The following CNTNAP2 variants were observed in gnomAD, a reference collection of about 807,000 sequenced individuals.
The protein encoded by CNTNAP2 is contactin associated protein 2.
CNTNAP2 carries 98 observed loss-of-function variants against 155.2 expected under a neutral mutation model. That is an observed-to-expected ratio of 0.63 (90% CI 0.54 to 0.75). The LOEUF (loss-of-function observed/expected upper bound fraction) is 0.75. CNTNAP2 is among the 30% of genes least tolerant of loss of function. The pLI is 0.00. For missense variants in CNTNAP2, 1,727 were observed against 1,688.1 expected (o/e 1.02, Z -0.40); for synonymous variants, 651 against 631.2 (o/e 1.03, Z -0.47).
At chr7:146,186,824 C>A (rs191318683) in intron 1 of CNTNAP2, among the ~76,000 whole-genome samples, 97 of 152,244 alleles carry the variant, frequency 6.4e-4, no homozygotes, top group African/African-American at 2.2e-3. Context: ...AATCCTTTCA[C>A]AGAATGTTTT....
chr7:146,928,652 C>T (rs10233849), intron 3 of CNTNAP2, among the ~76,000 whole-genome samples: 6,599 of 152,292 alleles, frequency 0.043, 160 homozygotes, highest in South Asian at 0.075. Context: ...ACTCGGGAAG[C>T]ACAAGGGGTC....
intron 17 of CNTNAP2, among the ~76,000 whole-genome samples, chr7:148,163,572 C>T (rs1489954183): frequency 1.3e-5 from 2 of 152,122 alleles, no homozygotes; most frequent in African/African-American, 2.4e-5. Context: ...ACATGTTCTG[C>T]ATGTCCTTTA....
chr7:146,709,827 G>A (rs1801032771), intron 1 of CNTNAP2, among the ~76,000 whole-genome samples: 1 of 152,154 alleles, frequency 6.6e-6, no homozygotes, highest in Admixed American at 6.6e-5. Flanking sequence ...AGGGCGGCCG[G>A]AGGGAAAAAC....
chr7:147,385,886 C>T (rs1261685366), intron 9 of CNTNAP2, among the ~76,000 whole-genome samples: 1 of 152,232 alleles, frequency 6.6e-6, no homozygotes, highest in Non-Finnish European at 1.5e-5. Context: ...CTAGCAGAGG[C>T]TCTTCATGAG....
At chr7:147,482,763 C>G (rs897717052) in intron 10 of CNTNAP2, among the ~76,000 whole-genome samples, 97 of 146,442 alleles carry the variant, frequency 6.6e-4, no homozygotes, top group African/African-American at 2.3e-3. Context: ...AATAAATAAT[C>G]GGCCGGGGGC....
intron 15 of CNTNAP2, among the ~76,000 whole-genome samples, chr7:148,038,347 C>T (rs1043895060): frequency 6.6e-6 from 1 of 152,188 alleles, no homozygotes; most frequent in South Asian, 2.1e-4. Context: ...TCCCAAGCTG[C>T]TTCCGCAGTT....
chr7:148,028,594 G>T (rs572641961), intron 15 of CNTNAP2, among the ~76,000 whole-genome samples: 15 of 152,148 alleles, frequency 9.9e-5, no homozygotes, highest in Non-Finnish European at 2.2e-4. Flanking sequence ...TACATATGTT[G>T]TATACTTCTC....
chr7:146,790,951 G>A (rs1802662722), intron 2 of CNTNAP2, among the ~76,000 whole-genome samples: 1 of 151,558 alleles, frequency 6.6e-6, no homozygotes, highest in African/African-American at 2.4e-5. Flanking sequence ...TTTAAGTTCT[G>A]GGGTACACGT....
chr7:146,517,442 A>T (rs980477791), intron 1 of CNTNAP2, among the ~76,000 whole-genome samples: 2 of 151,994 alleles, frequency 1.3e-5, no homozygotes, highest in East Asian at 3.9e-4. Context: ...GAGAAGAGTA[A>T]TCTAGCACAA....
intron 1 of CNTNAP2, among the ~76,000 whole-genome samples, chr7:146,390,195 C>A (rs1056084525): frequency 6.6e-6 from 1 of 151,770 alleles, no homozygotes; most frequent in African/African-American, 2.4e-5. Context: ...TTTTGCTCTT[C>A]GTAAATATGT....
At chr7:148,211,644 T>C (rs992954088) in intron 18 of CNTNAP2, among the ~76,000 whole-genome samples, 1 of 152,206 alleles carries the variant, frequency 6.6e-6, no homozygotes, top group African/African-American at 2.4e-5. Flanking sequence ...CAACTTACCA[T>C]TGGGTCACTT....
chr7:148,131,928 A>T (rs1340331476), intron 16 of CNTNAP2, among the ~76,000 whole-genome samples: 1 of 152,210 alleles, frequency 6.6e-6, no homozygotes, highest in Admixed American at 6.5e-5. Flanking sequence ...AGATTACTTG[A>T]AAAAGCTCAG....
intron 14 of CNTNAP2, among the ~76,000 whole-genome samples, chr7:147,944,141 A>G (rs900827437): frequency 2.6e-5 from 4 of 152,306 alleles, no homozygotes; most frequent in Admixed American, 2.0e-4. Context: ...CTTCTATTCA[A>G]TGGAAGATCT....
intron 1 of CNTNAP2, among the ~76,000 whole-genome samples, chr7:146,527,006 G>T (rs879872464): frequency 6.6e-6 from 1 of 151,562 alleles, no homozygotes; most frequent in Admixed American, 6.6e-5. Context: ...CTCCCGCCTC[G>T]GCCTCCCAAA....
At chr7:146,760,746 A>C (rs957216701) in intron 1 of CNTNAP2, among the ~76,000 whole-genome samples, 2 of 152,072 alleles carry the variant, frequency 1.3e-5, no homozygotes, top group Non-Finnish European at 2.9e-5. Context: ...ATACTGGTGT[A>C]TAATAGTGTC....
At chr7:146,307,267 T>G (rs1800730074) in intron 1 of CNTNAP2, among the ~76,000 whole-genome samples, 1 of 152,118 alleles carries the variant, frequency 6.6e-6, no homozygotes, top group Admixed American at 6.6e-5. Flanking sequence ...GAATGCAACT[T>G]AGAAGGGATG....
intron 1 of CNTNAP2, among the ~76,000 whole-genome samples, chr7:146,508,640 A>T (rs1797420389): frequency 6.6e-6 from 1 of 152,096 alleles, no homozygotes; most frequent in African/African-American, 2.4e-5. Flanking sequence ...GGGCACCTTG[A>T]CCAGTTTCCT....
At chr7:147,364,443 T>G (rs1017619728) in intron 9 of CNTNAP2, among the ~76,000 whole-genome samples, 7 of 152,202 alleles carry the variant, frequency 4.6e-5, no homozygotes, top group African/African-American at 1.7e-4. Context: ...GTTTCTTCTA[T>G]GTCATGTGAA....
chr7:148,300,265 T>C (rs1797359459), intron 21 of CNTNAP2, among the ~76,000 whole-genome samples: 1 of 152,216 alleles, frequency 6.6e-6, no homozygotes, highest in South Asian at 2.1e-4. Context: ...GACAACCTTA[T>C]GTTAGAGAGA....
Sources: gnomAD v4.1 joint callset for allele counts (sites outside exome capture counted in the v4.1 genomes callset) on GRCh38, gnomAD v4.1.1 for gene constraint, MANE v1.5 for transcripts, NCBI Gene and HGNC (gene_info 2026-07-23, HGNC 2026-07-21) for gene names.